Variants in TRAF3 observed in about 807,000 individuals in gnomAD.
TRAF3 encodes TNF receptor associated factor 3.
Under a neutral mutation model 62.3 loss-of-function variants are expected in TRAF3, and 13 were observed. That is an observed-to-expected ratio of 0.21 (90% CI 0.14 to 0.33). The LOEUF is 0.33. Ranked by LOEUF, TRAF3 falls within the 10% of genes least tolerant of loss-of-function variation. The pLI, the probability that TRAF3 is intolerant of heterozygous loss-of-function variation, is 1.00. For synonymous variants in TRAF3, 269 were observed against 283.4 expected (o/e 0.95, Z 0.51); for missense variants, 440 against 741.8 (o/e 0.59, Z 4.73).
intron 2 of TRAF3, among the ~76,000 whole-genome samples, chr14:102,867,658 G>T (rs992791543): frequency 1.4e-4 from 22 of 152,152 alleles, no homozygotes; most frequent in Admixed American, 4.6e-4. Context: ...AGGCAGGGCT[G>T]GGGGCTGCAG....
chr14:102,823,995 T>C (rs576441882), intron 1 of TRAF3, among the ~76,000 whole-genome samples: 1 of 152,370 alleles, frequency 6.6e-6, no homozygotes, highest in East Asian at 1.9e-4. Context: ...TTTTATGTAT[T>C]TGTTAGTCCA....
intron 4 of TRAF3, 96 bp from the exon 5 acceptor site, chr14:102,875,528 G>GTTTTTTT: frequency 1.2e-6 from 1 of 839,532 alleles, no homozygotes; most frequent in South Asian, 1.6e-5. Context: ...TTCCTCTCTT[G>GTTTTTTT]TTTTTTTTTT....
rs1287262606 is a variant in TRAF3 at position 102,910,939 on chromosome 14, A to G, written c.*5155A>G. 6.6e-6 allele frequency: 1 copy of G among 152,238 alleles called. No individual in the cohort carries two copies. The highest frequency in any genetic ancestry group is 1.5e-5 in the Non-Finnish European group (1 of 68,052). 9.4% of individuals were successfully genotyped at this position (152,238 alleles called of 1,614,324 possible). ...ACACAAGCTGGCATGATGTCCGGTG[A>G]TTTCTGTAAGAAATGCCTGTAGGAG... On this transcript the variant is annotated 3_prime_UTR_variant, in exon 12 of 12. Coordinates refer to ENST00000392745, the MANE Select transcript of TRAF3 (RefSeq NM_145725.3).
chr14:102,811,378 G>A (rs542903336), intron 1 of TRAF3, among the ~76,000 whole-genome samples: 4 of 148,380 alleles, frequency 2.7e-5, no homozygotes, highest in African/African-American at 5.0e-5. Flanking sequence ...AGGTGCTGTC[G>A]TACTGCCCTG....
chr14:102,803,441 T>C (rs923975959), intron 1 of TRAF3, among the ~76,000 whole-genome samples: 1 of 152,168 alleles, frequency 6.6e-6, no homozygotes, highest in African/African-American at 2.4e-5. Flanking sequence ...TCAGTTCTTT[T>C]ACCTAGAAAT....
chr14:102,787,668 CAGTG>C (rs1324820265), intron 1 of TRAF3, among the ~76,000 whole-genome samples: 1 of 152,102 alleles, frequency 6.6e-6, no homozygotes, highest in African/African-American at 2.4e-5. Context: ...GCCTGGGTGA[CAGTG>C]AGACTGTCTC....
chr14:102,803,907 A>C (rs1898604344), intron 1 of TRAF3, among the ~76,000 whole-genome samples: 1 of 152,180 alleles, frequency 6.6e-6, no homozygotes, highest in African/African-American at 2.4e-5. Context: ...AATTGACTTA[A>C]AAAAGTTGGG....
At chr14:102,876,718 C>T (rs145723527) in intron 6 of TRAF3, 193 bp downstream of exon 6, 12,028 of 697,992 alleles carry the variant, frequency 0.017, 182 homozygotes, top group Non-Finnish European at 0.024. Flanking sequence ...ATAGATAATC[C>T]GTTCCACAGG....
intron 7 of TRAF3, among the ~76,000 whole-genome samples, chr14:102,887,664 G>A (rs925510735): frequency 1.3e-5 from 2 of 151,628 alleles, no homozygotes; most frequent in African/African-American, 2.4e-5. Context: ...GCGTGATCTC[G>A]GCTCAGTGCA....
chr14:102,840,081 A>AG (rs1019137601), intron 2 of TRAF3, among the ~76,000 whole-genome samples: 4 of 152,134 alleles, frequency 2.6e-5, no homozygotes, highest in African/African-American at 7.2e-5. Flanking sequence ...ACCCAGGACT[A>AG]GGGTAAGGCA....
chr14:102,879,686 C>T (rs543733715), intron 6 of TRAF3, among the ~76,000 whole-genome samples: 383 of 147,836 alleles, frequency 2.6e-3, no homozygotes, highest in Non-Finnish European at 4.5e-3. Flanking sequence ...ATGGCAAAAA[C>T]GGCAATTACT....
chr14:102,870,074 G>A, intron 2 of TRAF3, 111 bp from the exon 3 acceptor site: 1 of 1,313,770 alleles, frequency 7.6e-7, no homozygotes, highest in Non-Finnish European at 1.1e-6. Context: ...GGATTCTTGT[G>A]TTGCCTAAAA....
At chr14:102,827,673 C>T (rs939053757) in intron 1 of TRAF3, among the ~76,000 whole-genome samples, 1 of 152,158 alleles carries the variant, frequency 6.6e-6, no homozygotes, top group African/African-American at 2.4e-5. Flanking sequence ...TTATATACAG[C>T]ACATGGTCAG....
intron 1 of TRAF3, among the ~76,000 whole-genome samples, chr14:102,789,678 G>T (rs575205694): frequency 3.3e-5 from 5 of 151,710 alleles, no homozygotes; most frequent in Non-Finnish European, 7.4e-5. Context: ...AGTTAAAGTG[G>T]TATCTCGTGG....
intron 3 of TRAF3, among the ~76,000 whole-genome samples, chr14:102,871,599 G>A (rs1457615795): frequency 1.3e-5 from 2 of 152,254 alleles, no homozygotes; most frequent in African/African-American, 2.4e-5. Flanking sequence ...ACACTGAAGA[G>A]CTGCTCTGCA....
chr14:102,893,711 C>T (rs139973258), intron 9 of TRAF3, among the ~76,000 whole-genome samples: 123 of 152,340 alleles, frequency 8.1e-4, no homozygotes, highest in Non-Finnish European at 1.4e-3. Flanking sequence ...ATGGAAGCCC[C>T]GAGAGTGCAG....
At chr14:102,891,589 GTTAT>G (rs1889718249) in intron 9 of TRAF3, among the ~76,000 whole-genome samples, 172 bp downstream of exon 9, 1 of 152,144 alleles carries the variant, frequency 6.6e-6, no homozygotes, top group African/African-American at 2.4e-5. Context: ...TTTTATTTTT[GTTAT>G]TTGTTTTTTA....
rs144448977 is a variant in TRAF3 at position 102,791,105 on chromosome 14, C to T, written c.-157+13430C>T. On this transcript the variant is annotated intron_variant, in intron 1 of 11. Transcript: ENST00000392745. ...CACAGTCTCGGCTCACTGCAACCTC[C>T]GCCTCCCGGGTTCATGCCATTCTCC... Among the ~76,000 whole-genome samples, 803 of 151,618 alleles carry T rather than the reference C, an allele frequency of 5.3e-3. 6 individuals carry two copies. The highest frequency in any genetic ancestry group is 9.9e-3 in the Admixed American group (150 of 15,200).
chr14:102,850,944 C>T (rs928446282), intron 2 of TRAF3, among the ~76,000 whole-genome samples: 2 of 152,124 alleles, frequency 1.3e-5, no homozygotes, highest in Non-Finnish European at 2.9e-5. Context: ...TGAGGATAGG[C>T]AGTGGGCTAT....
Sources: gnomAD v4.1 joint callset for allele counts (sites outside exome capture counted in the v4.1 genomes callset) on GRCh38, gnomAD v4.1.1 for gene constraint, MANE v1.5 for transcripts, NCBI Gene and HGNC (gene_info 2026-07-23, HGNC 2026-07-21) for gene names.